Variants in MACC1 observed in about 807,000 individuals in gnomAD.
MACC1 encodes MET transcriptional regulator MACC1, also known as metastasis-associated in colon cancer protein 1.
MACC1 carries 79 observed loss-of-function variants against 70.7 expected under a neutral mutation model. The observed-to-expected ratio is 1.12, with a 90% confidence interval of 0.93 to 1.35. The LOEUF (loss-of-function observed/expected upper bound fraction) is 1.35. Among genes scored for constraint, MACC1 ranks in the 40% most tolerant of loss-of-function variants. MACC1 has a pLI of 0.00. For missense variants in MACC1, 1,106 were observed against 978.1 expected, an observed-to-expected ratio of 1.13 and a Z score of -1.74; for synonymous variants, 361 against 347.2, an observed-to-expected ratio of 1.04 and a Z score of -0.44.
intron 1 of MACC1, among the ~76,000 whole-genome samples, chr7:20,202,938 G>C (rs971853153): frequency 2.6e-5 from 4 of 152,138 alleles, no homozygotes; most frequent in African/African-American, 9.7e-5. Flanking sequence ...AAAAATGAAT[G>C]TTCTCTTTAT....
At chr7:20,179,165 A>G (rs1241307906) in intron 1 of MACC1, among the ~76,000 whole-genome samples, 1 of 152,028 alleles carries the variant, frequency 6.6e-6, no homozygotes, top group Non-Finnish European at 1.5e-5. Context: ...CTATGACTAC[A>G]TTTGTCAATG....
chr7:20,146,148 GAA>G (rs377648424), intron 6 of MACC1, among the ~76,000 whole-genome samples: 3 of 86,338 alleles, frequency 3.5e-5, no homozygotes, highest in Non-Finnish European at 5.4e-5. Flanking sequence ...ATCTCAAAAA[GAA>G]AAAAAAAAAA....
intron 1 of MACC1, among the ~76,000 whole-genome samples, chr7:20,196,715 A>G (rs1346917389): frequency 1.3e-5 from 2 of 152,178 alleles, no homozygotes; most frequent in Admixed American, 1.3e-4. Context: ...CTTAGCGATC[A>G]TTTAAATTGT....
Position 20,161,727 on chromosome 7 carries a change from AAC to A in MACC1, c.115+19_115+20del, listed in dbSNP as rs754258883. On this transcript the variant is annotated intron_variant, in intron 4 of 6. Transcript: ENST00000400331. The stretch of plus-strand genomic sequence containing the variant: ...TCATATACTTACATGGACAAATCAC[AAC>A]AGTTATAAATTCCCATACCTGTAAT... The A allele has an allele frequency of 4.9e-6, 7 of 1,436,028 alleles. No homozygotes were observed. The highest frequency in any genetic ancestry group is 5.9e-6 in the Non-Finnish European group (6 of 1,019,180). The allele number at this position is 1,436,028 out of a possible 1,614,324, so 89.0% of individuals were successfully genotyped here.
At chr7:20,184,454 C>T in intron 1 of MACC1, among the ~76,000 whole-genome samples, 1 of 152,184 alleles carries the variant, frequency 6.6e-6, no homozygotes. Context: ...TTCAAACTTG[C>T]AAAACTCCTT....
At chr7:20,176,738 T>C (rs1285368245) in intron 1 of MACC1, among the ~76,000 whole-genome samples, 2 of 152,158 alleles carry the variant, frequency 1.3e-5, no homozygotes, top group Non-Finnish European at 2.9e-5. Context: ...GAAATATTAC[T>C]CAACCATAAA....
chr7:20,168,904 G>A (rs1170209645), intron 2 of MACC1, among the ~76,000 whole-genome samples: 3 of 152,170 alleles, frequency 2.0e-5, no homozygotes, highest in African/African-American at 4.8e-5. Flanking sequence ...AATTCACTAA[G>A]TTAAAGATAG....
At chr7:20,161,045 A>C (rs1400892460) in intron 4 of MACC1, among the ~76,000 whole-genome samples, 1 of 152,072 alleles carries the variant, frequency 6.6e-6, no homozygotes, top group Non-Finnish European at 1.5e-5. Context: ...AAATATTTAC[A>C]TTTCTATTAT....
chr7:20,202,657 A>G (rs548270028), intron 1 of MACC1, among the ~76,000 whole-genome samples: 5 of 152,328 alleles, frequency 3.3e-5, no homozygotes, highest in South Asian at 4.1e-4. Context: ...GAAATGTGCT[A>G]TATCTGTCAT....
At position 20,158,519 on chromosome 7, in the gene MACC1, G is replaced by C. The variant is rs750596125; in HGVS notation, c.1842C>G (p.Val614=). ...GKIGLVHCKN[V]KVISKEQVMF... is the part of the protein sequence containing the mutation. ...TTACTTGCTCCTTTGAAATCACCTT[G>C]ACATTTTTGCAGTGTACAAGTCCAA... The change falls in exon 5 of 7, where the codon GTC becomes GTG. Residue 614 remains valine, a synonymous_variant. Coordinates refer to ENST00000400331, the MANE Select transcript of MACC1 (RefSeq NM_182762.4). 1 of 1,614,054 alleles carries C rather than the reference G, an allele frequency of 6.2e-7. No individual in the cohort carries two copies. Among genetic ancestry groups the C allele is most frequent in the Non-Finnish European group, 8.5e-7 (1 of 1,180,000 alleles).
chr7:20,160,317 T>TAGAGTAAGGTGGCACTGTGAGTTACAA, intron 4 of MACC1, 72 bp from the exon 5 acceptor site: 2 of 1,455,668 alleles, frequency 1.4e-6, no homozygotes, highest in East Asian at 4.8e-5. Context: ...AGATTAATTT[T>TAGAGTAAGGTGGCACTGTGAGTTACAA]TCCCATAGCT....
intron 1 of MACC1, among the ~76,000 whole-genome samples, chr7:20,204,190 T>C (rs1782874068): frequency 3.9e-5 from 6 of 152,228 alleles, no homozygotes; most frequent in Admixed American, 3.9e-4. Flanking sequence ...AGTCTTGCTC[T>C]GTTGCACAGG....
chr7:20,203,142 A>T (rs1390333729), intron 1 of MACC1, among the ~76,000 whole-genome samples: 1 of 152,194 alleles, frequency 6.6e-6, no homozygotes, highest in Non-Finnish European at 1.5e-5. Context: ...AAATTAAAAA[A>T]AGTCCTGGGT....
At chr7:20,198,717 T>G (rs1782789481) in intron 1 of MACC1, 1 of 152,226 alleles carries the variant, frequency 6.6e-6, no homozygotes, top group African/African-American at 2.4e-5. Context: ...TAAGCCAAAA[T>G]TACTTGTATA....
At position 20,140,838 on chromosome 7, in the gene MACC1, CAGACACACACACACAGACACACAG is replaced by C. The variant is rs1374053016; in HGVS notation, c.*84_*107del. The C allele has an allele frequency of 1.4e-6, 1 of 736,972 alleles. No individual in the cohort carries two copies. The highest frequency in any genetic ancestry group is 2.0e-5 in the African/African-American group (1 of 50,562). 45.7% of individuals were successfully genotyped at this position (736,972 alleles called of 1,614,324 possible). On this transcript the variant is annotated 3_prime_UTR_variant, in exon 7 of 7. Coordinates refer to ENST00000400331, the MANE Select transcript of MACC1 (RefSeq NM_182762.4). ...ACACACACACACAGACACACACACA[CAGACACACACACACAGACACACAG>C]AGACACACACAGACACACACAGACA...
chr7:20,192,602 A>G, intron 1 of MACC1, among the ~76,000 whole-genome samples: 1 of 152,164 alleles, frequency 6.6e-6, no homozygotes, highest in East Asian at 1.9e-4. Context: ...AAGTAGAAGA[A>G]TCACCCAGAG....
intron 3 of MACC1, among the ~76,000 whole-genome samples, chr7:20,162,855 G>A (rs1782159007): frequency 6.6e-6 from 1 of 152,122 alleles, no homozygotes; most frequent in Non-Finnish European, 1.5e-5. Context: ...TCGTCTTTAT[G>A]TTTTCTGGGA....
At position 20,208,064 on chromosome 7, in the gene MACC1, C is replaced by T. The variant is rs367742158; in HGVS notation, c.-218+9235G>A. Among the ~76,000 whole-genome samples the T allele has an allele frequency of 6.6e-5, 10 of 152,274 alleles. No homozygotes were observed. In the East Asian group the frequency reaches 9.6e-4, roughly 15 times the overall value. On this transcript the variant is annotated intron_variant, in intron 1 of 6. Transcript: ENST00000400331. The stretch of plus-strand genomic sequence containing the variant: ...TGCTGGGACTCATCCTTTCTCCTGC[C>T]GCCCTGTAAAGAAGTGTCTTCCACC...
intron 5 of MACC1, among the ~76,000 whole-genome samples, chr7:20,157,009 G>A (rs1005915118): frequency 3.9e-5 from 6 of 152,124 alleles, no homozygotes; most frequent in African/African-American, 1.4e-4. Flanking sequence ...TTTGTTTCAT[G>A]AAGGCATAGT....
Sources: allele counts gnomAD v4.1 joint callset (sites outside exome capture counted in the v4.1 genomes callset), GRCh38; gene constraint gnomAD v4.1.1; transcripts MANE v1.5; gene names NCBI Gene and HGNC (gene_info 2026-07-23, HGNC 2026-07-21).